The following NRXN3 variants were observed in gnomAD, a reference collection of about 807,000 sequenced individuals.
NRXN3 encodes the protein neurexin 3, also known as neurexin III.
In NRXN3, 32 loss-of-function variants were observed where a neutral mutation model predicts 137.6. The observed-to-expected ratio is 0.23, with a 90% confidence interval of 0.18 to 0.31. The LOEUF (loss-of-function observed/expected upper bound fraction) is 0.31, where lower values mean the gene tolerates loss of function less well. Ranked by LOEUF, NRXN3 falls within the 10% of genes least tolerant of loss-of-function variation. The pLI is 1.00. For synonymous variants in NRXN3, 798 were observed against 784.5 expected, an observed-to-expected ratio of 1.02 and a Z score of -0.29; for missense variants, 1,574 against 2,062.5, an observed-to-expected ratio of 0.76 and a Z score of 4.59.
At chr14:78,955,565 G>A (rs1352014364) in intron 10 of NRXN3, among the ~76,000 whole-genome samples, 1 of 152,066 alleles carries the variant, frequency 6.6e-6, no homozygotes, top group Admixed American at 6.5e-5. Flanking sequence ...AGTGCATTTG[G>A]TCCTTTAGGT....
chr14:79,187,660 C>CAAAAAAAAAAAAAAAAAAAAA (rs1272684800), intron 15 of NRXN3, among the ~76,000 whole-genome samples: 1 of 20,300 alleles, frequency 4.9e-5, no homozygotes, highest in African/African-American at 1.8e-4. Flanking sequence ...GACTCCGTCT[C>CAAAAAAAAAAAAAAAAAAAAA]AAAAAAAAAA....
chr14:79,263,332 A>C (rs1050004920), intron 15 of NRXN3, among the ~76,000 whole-genome samples: 4 of 152,214 alleles, frequency 2.6e-5, no homozygotes, highest in Non-Finnish European at 4.4e-5. Flanking sequence ...TTTAAGTATT[A>C]TGTTCATATC....
chr14:79,665,662 A>C (rs189865285), intron 17 of NRXN3, among the ~76,000 whole-genome samples: 2 of 152,206 alleles, frequency 1.3e-5, no homozygotes, highest in Non-Finnish European at 1.5e-5. Flanking sequence ...TTCTAAATTG[A>C]TGTTAACCAC....
intron 10 of NRXN3, among the ~76,000 whole-genome samples, chr14:78,858,758 C>T (rs2099064305): frequency 6.6e-6 from 1 of 152,152 alleles, no homozygotes; most frequent in South Asian, 2.1e-4. Context: ...TATTCTGCTC[C>T]ACATGATTCC....
At chr14:78,913,676 G>A (rs139029196) in intron 10 of NRXN3, among the ~76,000 whole-genome samples, 1 of 152,184 alleles carries the variant, frequency 6.6e-6, no homozygotes, top group Non-Finnish European at 1.5e-5. Context: ...ATAACCATGA[G>A]GTTTAAAGTT....
At chr14:78,427,325 T>C (rs1204881410) in intron 4 of NRXN3, among the ~76,000 whole-genome samples, 1 of 152,174 alleles carries the variant, frequency 6.6e-6, no homozygotes, top group Non-Finnish European at 1.5e-5. Context: ...ATTCTAAGTG[T>C]GTTTGTTATG....
rs984868840 is a variant in NRXN3 at position 79,365,738 on chromosome 14, A to G, written c.3263-101483A>G. ...GAGACTCTGTCTCAAAAAAAAAAAA[A>G]AAAAAAGAAAAAAAAGAAGAGTTTT... is the stretch of plus-strand genomic sequence containing the variant. On this transcript the variant is annotated intron_variant, in intron 15 of 20. Coordinates refer to ENST00000335750, the MANE Select transcript of NRXN3 (RefSeq NM_001330195.2). Among the ~76,000 whole-genome samples, 23 of 144,440 alleles carry G rather than the reference A, an allele frequency of 1.6e-4. 1 individual carries two copies. Among genetic ancestry groups the G allele is most frequent in the Admixed American group, 2.8e-4 (4 of 14,372 alleles). The allele number at this position is 144,440 out of a possible 152,430, so 94.8% of individuals were successfully genotyped here.
At chr14:78,636,377 G>A (rs2097566874) in intron 4 of NRXN3, among the ~76,000 whole-genome samples, 1 of 152,086 alleles carries the variant, frequency 6.6e-6, no homozygotes, top group Admixed American at 6.6e-5. Context: ...GAACTCACAA[G>A]CCTTGTAGAA....
intron 15 of NRXN3, among the ~76,000 whole-genome samples, chr14:79,215,355 A>C (rs1183540308): frequency 2.6e-5 from 4 of 152,050 alleles, no homozygotes; most frequent in Admixed American, 1.3e-4. Flanking sequence ...AGCACTTAGA[A>C]ACAATAGAGG....
At chr14:79,507,088 C>G (rs2096885737) in intron 16 of NRXN3, among the ~76,000 whole-genome samples, 1 of 152,056 alleles carries the variant, frequency 6.6e-6, no homozygotes, top group Non-Finnish European at 1.5e-5. Context: ...AAAGGAAAAC[C>G]AAATTCTGAA....
At chr14:79,370,411 G>A (rs187240393) in intron 15 of NRXN3, among the ~76,000 whole-genome samples, 13 of 149,112 alleles carry the variant, frequency 8.7e-5, no homozygotes, top group African/African-American at 3.0e-4. Flanking sequence ...CTCTGCCTCC[G>A]GGGTTCAAAC....
intron 15 of NRXN3, among the ~76,000 whole-genome samples, chr14:79,105,650 T>G (rs1466440148): frequency 6.6e-6 from 1 of 152,090 alleles, no homozygotes; most frequent in Non-Finnish European, 1.5e-5. Context: ...TGAGCAAACA[T>G]AAGCCTTCTC....
At chr14:79,515,927 A>C (rs2096979566) in intron 16 of NRXN3, among the ~76,000 whole-genome samples, 1 of 152,186 alleles carries the variant, frequency 6.6e-6, no homozygotes, top group African/African-American at 2.4e-5. Flanking sequence ...ATCAGGGCCC[A>C]CAAACTCAAA....
At chr14:79,046,669 G>C (rs534923455) in intron 15 of NRXN3, among the ~76,000 whole-genome samples, 33 of 152,220 alleles carry the variant, frequency 2.2e-4, no homozygotes, top group African/African-American at 7.9e-4. Flanking sequence ...TTGATTCTAT[G>C]ACCTAGCTCA....
intron 6 of NRXN3, among the ~76,000 whole-genome samples, chr14:78,704,898 C>G (rs1360705415): frequency 1.3e-5 from 2 of 152,158 alleles, no homozygotes; most frequent in Non-Finnish European, 2.9e-5. Context: ...CCTGGTATTG[C>G]TCCTGTGTGT....
At chr14:79,098,710 G>A (rs1332722392) in intron 15 of NRXN3, among the ~76,000 whole-genome samples, 3 of 152,186 alleles carry the variant, frequency 2.0e-5, no homozygotes, top group African/African-American at 7.2e-5. Flanking sequence ...CCACAATGGT[G>A]CCTGCAAGAG....
chr14:78,962,550 G>T (rs929182770), intron 11 of NRXN3, among the ~76,000 whole-genome samples: 2 of 151,796 alleles, frequency 1.3e-5, no homozygotes, highest in Non-Finnish European at 2.9e-5. Flanking sequence ...ATGACACATA[G>T]ATTAAAAAAA....
rs1328814848 is a variant in NRXN3 at position 79,865,660 on chromosome 14, G to C, written c.*3696G>C. On this transcript the variant is annotated 3_prime_UTR_variant, in exon 21 of 21. Coordinates refer to ENST00000335750, the MANE Select transcript of NRXN3 (RefSeq NM_001330195.2). ...TGTTCTCCCATCATTTTTTGAGATG[G>C]AGTCTTGCAGCCTACAGTGCAGTGG... 1 of 151,944 alleles carries C rather than the reference G, an allele frequency of 6.6e-6. No homozygotes were observed. The highest frequency in any genetic ancestry group is 1.5e-5 in the Non-Finnish European group (1 of 67,984). The allele number at this position is 151,944 out of a possible 1,614,324, so 9.4% of individuals were successfully genotyped here.
At chr14:79,713,607 A>C (rs897262010) in intron 19 of NRXN3, among the ~76,000 whole-genome samples, 1 of 132,342 alleles carries the variant, frequency 7.6e-6, no homozygotes, top group East Asian at 2.2e-4. Flanking sequence ...ATACATATAC[A>C]TATACATATG....
Sources: allele counts gnomAD v4.1 joint callset (sites outside exome capture counted in the v4.1 genomes callset), GRCh38; gene constraint gnomAD v4.1.1; transcripts MANE v1.5; gene names NCBI Gene and HGNC (gene_info 2026-07-23, HGNC 2026-07-21).